FCRL4: variants seen among roughly 807,000 people sequenced by gnomAD.
FCRL4 encodes the protein Fc receptor-like protein 4.
FCRL4 carries 43 observed loss-of-function variants against 64.1 expected under a neutral mutation model. The observed-to-expected ratio is 0.67, with a 90% confidence interval of 0.53 to 0.87. The LOEUF (loss-of-function observed/expected upper bound fraction) is 0.87. Among genes scored for constraint, FCRL4 ranks in the 40% least tolerant of loss-of-function variants. The pLI is 0.00. For synonymous variants in FCRL4, 253 were observed against 239.8 expected (o/e 1.05, Z -0.51); for missense variants, 656 against 613.5 (o/e 1.07, Z -0.73).
intron 6 of FCRL4, among the ~76,000 whole-genome samples, 172 bp downstream of exon 6, chr1:157,585,996 C>T (rs1156718241): frequency 3.3e-5 from 5 of 152,210 alleles, no homozygotes; most frequent in Non-Finnish European, 7.3e-5. Context: ...CAGGACCTTA[C>T]TCTGACCTGA....
intron 2 of FCRL4, among the ~76,000 whole-genome samples, chr1:157,592,358 C>G (rs547467354): frequency 6.6e-6 from 1 of 152,086 alleles, no homozygotes; most frequent in Non-Finnish European, 1.5e-5. Flanking sequence ...CTGACAAAGG[C>G]TAATATCCAG....
At chr1:157,583,635 C>T (rs2101678933) in intron 6 of FCRL4, among the ~76,000 whole-genome samples, 1 of 152,092 alleles carries the variant, frequency 6.6e-6, no homozygotes, top group East Asian at 1.9e-4. Context: ...TCACAAGAAT[C>T]CAAATTATAT....
At chr1:157,589,604 C>T (rs1398947336) in intron 2 of FCRL4, 146 bp from the exon 3 acceptor site, 7 of 986,546 alleles carry the variant, frequency 7.1e-6, no homozygotes, top group Non-Finnish European at 1.0e-5. Flanking sequence ...TGCAGGTGAG[C>T]TGTGCTCACC....
chr1:157,584,364 AT>A (rs1652626683), intron 6 of FCRL4, among the ~76,000 whole-genome samples: 1 of 151,618 alleles, frequency 6.6e-6, no homozygotes, highest in Non-Finnish European at 1.5e-5. Context: ...ACCTTTCTCT[AT>A]GAAAAATAAA....
Position 157,582,158 on chromosome 1 carries a change from G to GA in FCRL4, c.1136-515dup, listed in dbSNP as rs1181394784. Among the ~76,000 whole-genome samples, 8 of 152,208 alleles carry GA rather than the reference G, an allele frequency of 5.3e-5. No individual in the cohort carries two copies. The East Asian group carries it at 9.6e-4, about 18-fold the overall frequency. On this transcript the variant is annotated intron_variant, in intron 6 of 11. Transcript: ENST00000271532. ...CCTGTGTGCTCTGAAGGGCAGGAGA[G>GA]AAAAAAACGGATGGAAAAGTACACA... is the stretch of plus-strand genomic sequence containing the variant.
At chr1:157,585,931 C>T (rs1259457222) in intron 6 of FCRL4, among the ~76,000 whole-genome samples, 1 of 152,158 alleles carries the variant, frequency 6.6e-6, no homozygotes, top group Non-Finnish European at 1.5e-5. Context: ...CAAACACAGA[C>T]AAACAAAATC....
At chr1:157,578,949 G>A (rs1475462379) in intron 8 of FCRL4, 97 bp from the exon 9 acceptor site, 2 of 986,858 alleles carry the variant, frequency 2.0e-6, no homozygotes, top group Admixed American at 5.3e-5. Flanking sequence ...AGAGGATTTG[G>A]AGAAAGTCAG....
rs767525096 is a variant in FCRL4 at position 157,575,710 on chromosome 1, G to C, written c.1450C>G (p.Leu484Val). ...GAAATGAAACTCACCTTATCCTCTA[G>C]AAGTGTCCTGGAGGTATTAGCTGTG... is the stretch of plus-strand genomic sequence containing the variant. ...EEEANTSRTL[L>V]EDKDVSVVYS... is the part of the protein sequence containing the mutation. The change falls in exon 11 of 12, where the codon CTA (leucine) becomes GTA (valine). Residue 484 changes from leucine to valine, a missense_variant. Coordinates refer to ENST00000271532, the MANE Select transcript of FCRL4 (RefSeq NM_031282.3). 1 of 1,613,898 alleles carries C rather than the reference G, an allele frequency of 6.2e-7. No individual in the cohort carries two copies. The highest frequency in any genetic ancestry group is 8.5e-7 in the Non-Finnish European group (1 of 1,179,832).
chr1:157,589,345 T>C lies in FCRL4; in HGVS notation c.166A>G (p.Thr56Ala). ...GFQFYATEKT[T>A]WYHRHYWGEK... ...CCCCAGTAGTGCCGATGATACCATG[T>C]TGTTTTCTCTGTTGCATAGAACTGA... The change falls in exon 3 of 12, where the codon ACA becomes GCA. Residue 56 changes from threonine to alanine, a missense_variant. By Grantham distance (58) the Thr-to-Ala change is moderately conservative. Coordinates refer to ENST00000271532, the MANE Select transcript of FCRL4 (RefSeq NM_031282.3). The C allele has an allele frequency of 6.2e-7, 1 of 1,614,184 alleles. No homozygotes were observed. Among genetic ancestry groups the C allele is most frequent in the Non-Finnish European group, 8.5e-7 (1 of 1,180,022 alleles).
At position 157,581,395 on chromosome 1, in the gene FCRL4, T is replaced by C. The variant is rs75462001; in HGVS notation, c.1249+136A>G. On this transcript the variant is annotated intron_variant, in intron 7 of 11. Transcript: ENST00000271532. ...CCCTTAAGGAAGGGACGGACGTGAG[T>C]GTGTGTGAACGCTGGGAGTGGAGAC... 2.1e-3 allele frequency: 1,376 copies of C among 659,904 alleles called. 11 individuals are homozygous for C. In the African/African-American group the frequency reaches 0.022, roughly 10 times the overall value. The allele number at this position is 659,904 out of a possible 1,614,324, so 40.9% of individuals were successfully genotyped here.
intron 10 of FCRL4, among the ~76,000 whole-genome samples, chr1:157,576,468 A>G (rs1652418067): frequency 6.6e-6 from 1 of 152,212 alleles, no homozygotes; most frequent in East Asian, 1.9e-4. Context: ...GGTCATATGT[A>G]CAAAACTTTG....
chr1:157,583,156 T>C (rs1301357523), intron 6 of FCRL4, among the ~76,000 whole-genome samples: 1 of 152,234 alleles, frequency 6.6e-6, no homozygotes, highest in Non-Finnish European at 1.5e-5. Flanking sequence ...TTGCCTCAGT[T>C]TCCTATTTAC....
intron 2 of FCRL4, among the ~76,000 whole-genome samples, chr1:157,590,292 C>G (rs775896334): frequency 6.6e-6 from 1 of 151,950 alleles, no homozygotes; most frequent in South Asian, 2.1e-4. Flanking sequence ...TTGGAACATA[C>G]GCATAAACCA....
At chr1:157,578,911 G>A in intron 8 of FCRL4, 59 bp from the exon 9 acceptor site, 1 of 1,367,740 alleles carries the variant, frequency 7.3e-7, no homozygotes, top group Non-Finnish European at 1.0e-6. Flanking sequence ...GGGAGAGTGA[G>A]ATACCCAGGG....
intron 10 of FCRL4, 33 bp from the exon 11 acceptor site, chr1:157,575,763 G>A (rs749251080): frequency 6.2e-7 from 1 of 1,605,778 alleles, no homozygotes; most frequent in South Asian, 1.1e-5. Context: ...TGGACTATGG[G>A]CATAATGATG....
rs1459614028 is a variant in FCRL4, at chr1:157,579,622, C to A, written c.1277+699G>T. ...ATCCCAGCTACTTTGGAAGCTGAGG[C>A]ACAAGACTCACTTGAACCTGGGAGG... On this transcript the variant is annotated intron_variant, in intron 8 of 11. Transcript: ENST00000271532. 2.4e-4 allele frequency among the ~76,000 whole-genome samples: 37 copies of A among 151,620 alleles called. 1 individual carries two copies. The highest frequency in any genetic ancestry group is 2.4e-3 in the Admixed American group (36 of 15,218).
intron 3 of FCRL4, 119 bp downstream of exon 3, chr1:157,589,085 A>G: frequency 8.8e-7 from 1 of 1,133,456 alleles, no homozygotes; most frequent in Non-Finnish European, 1.3e-6. Flanking sequence ...ATATGAAACT[A>G]AAGGAGCTGG....
Position 157,587,463 on chromosome 1 carries a change from C to G in FCRL4, c.660G>C (p.Arg220=). Residue 220 remains arginine (R), a synonymous_variant, in exon 5 of 12, where the codon CGG becomes CGC. Transcript: ENST00000271532. The part of the protein sequence containing the change: ...LSCETQLPPE[R]SDTPLHFNFF... ...AGTTGAAGTGAAGTGGGGTGTCTGA[C>G]CGCTCTGGAGGAAGCTGTGTTTCAC... 3 of 1,614,220 alleles carry G rather than the reference C, an allele frequency of 1.9e-6. No homozygotes were observed. The highest frequency in any genetic ancestry group is 2.5e-6 in the Non-Finnish European group (3 of 1,180,026).
Position 157,581,478 on chromosome 1 carries a change from G to A in FCRL4, c.1249+53C>T, listed in dbSNP as rs1376300072. On this transcript the variant is annotated intron_variant, in intron 7 of 11. Coordinates refer to ENST00000271532, the MANE Select transcript of FCRL4 (RefSeq NM_031282.3). ...TGGCCACTAAGGCTGTCTGCATGCT[G>A]AGTTCAGGGGAAGGAACAGGGCAGG... is the stretch of plus-strand genomic sequence containing the variant. The A allele has an allele frequency of 2.7e-6, 4 of 1,486,296 alleles. No homozygotes were observed. The Admixed American group carries it at 6.7e-5, about 25-fold the overall frequency. The allele number at this position is 1,486,296 out of a possible 1,614,324, so 92.1% of individuals were successfully genotyped here.
Sources: allele counts gnomAD v4.1 joint callset (sites outside exome capture counted in the v4.1 genomes callset), GRCh38; gene constraint gnomAD v4.1.1; transcripts MANE v1.5; gene names NCBI Gene and HGNC (gene_info 2026-07-23, HGNC 2026-07-21).